Variants in UBE4A observed in about 807,000 individuals in gnomAD.
UBE4A encodes the protein ubiquitination factor E4A.
In UBE4A, 48 loss-of-function variants were observed where a neutral mutation model predicts 117.9. The observed-to-expected ratio is 0.41, with a 90% CI of 0.32 to 0.52. UBE4A has a LOEUF of 0.52. Ranked by LOEUF, UBE4A falls within the 20% of genes least tolerant of loss-of-function variation. UBE4A has a pLI of 0.33. For synonymous variants in UBE4A, 407 were observed against 450.0 expected (o/e 0.90, Z 1.21); for missense variants, 1,067 against 1,296.3 (o/e 0.82, Z 2.72).
At chr11:118,394,568 C>T (rs1329797021) in intron 19 of UBE4A, among the ~76,000 whole-genome samples, 2 of 151,800 alleles carry the variant, frequency 1.3e-5, no homozygotes, top group Admixed American at 1.3e-4. Context: ...ATCAGGAGTT[C>T]GAGACCAGCC....
chr11:118,392,393 T>C (rs1948827450), intron 18 of UBE4A, among the ~76,000 whole-genome samples: 2 of 152,226 alleles, frequency 1.3e-5, no homozygotes, highest in Admixed American at 1.3e-4. Context: ...CCATTCTCCC[T>C]TCTCCATCCA....
At chr11:118,388,773 T>A (rs564654436) in intron 16 of UBE4A, among the ~76,000 whole-genome samples, 1 of 152,046 alleles carries the variant, frequency 6.6e-6, no homozygotes, top group Non-Finnish European at 1.5e-5. Flanking sequence ...AAATAACTTA[T>A]GGTGCAGTTA....
rs1016283261 is a variant in UBE4A at position 118,359,657 on chromosome 11, C to G, written c.-59C>G. On this transcript the variant is annotated 5_prime_UTR_variant, in exon 1 of 20. Transcript: ENST00000252108. The stretch of plus-strand genomic sequence containing the variant: ...CTGAGATTCTGTCGTGTCGTCGCTG[C>G]TGGCACTTCAGGCTCTGGTAAGACA... 1 of 152,302 alleles carries G rather than the reference C, an allele frequency of 6.6e-6. No individual in the cohort carries two copies. Among genetic ancestry groups the G allele is most frequent in the Non-Finnish European group, 1.5e-5 (1 of 68,108 alleles). The allele number at this position is 152,302 out of a possible 1,614,324, so 9.4% of individuals were successfully genotyped here.
chr11:118,373,601 T>C lies in UBE4A; in HGVS notation c.1032T>C (p.Gly344=), dbSNP rs1352421155. 1 of 1,614,104 alleles carries C rather than the reference T, an allele frequency of 6.2e-7. No individual in the cohort carries two copies. Among genetic ancestry groups the C allele is most frequent in the African/African-American group, 1.3e-5 (1 of 75,008 alleles). The change falls in exon 8 of 20, where the codon GGT becomes GGC. Residue 344 remains glycine, a synonymous_variant. Transcript: ENST00000252108. The stretch of plus-strand genomic sequence containing the variant: ...TCTCCTGCTTATTAAAGACTCCGGG[T>C]GTTGTAGAAAATCATGGCTACTTTT... ...LSISCLLKTP[G]VVENHGYFLN... is the part of the protein sequence containing the mutation.
Position 118,366,089 on chromosome 11 carries a change from A to G in UBE4A, c.121+888A>G, listed in dbSNP as rs1948560711. Among the ~76,000 whole-genome samples, 3 of 151,376 alleles carry G rather than the reference A, an allele frequency of 2.0e-5. No homozygotes were observed. The South Asian group carries it at 6.3e-4, about 32-fold the overall frequency. ...AAAAAAAAAAAACACTCAGGTGCAT[A>G]GCTGACTTTTGGCCTTTCAGTTAGA... is the stretch of plus-strand genomic sequence containing the variant. On this transcript the variant is annotated intron_variant, in intron 2 of 19. Transcript: ENST00000252108.
chr11:118,367,313 A>G (rs913496415), intron 2 of UBE4A, among the ~76,000 whole-genome samples: 8 of 152,164 alleles, frequency 5.3e-5, no homozygotes, highest in Admixed American at 3.3e-4. Context: ...AAAAAGGTAC[A>G]AAAGATGTGA....
chr11:118,365,131 T>C lies in UBE4A; in HGVS notation c.51T>C (p.Ala17=). 2 of 1,614,038 alleles carry C rather than the reference T, an allele frequency of 1.2e-6. No individual in the cohort carries two copies. The highest frequency in any genetic ancestry group is 1.7e-6 in the Non-Finnish European group (2 of 1,179,978). ...ACATCTCAAGTAACCCCTTTGCTGCTCTTTTTGGCTCCCTGGCTGATGCCA... is the reference window on the plus strand; with the variant it reads ...ACATCTCAAGTAACCCCTTTGCTGCCCTTTTTGGCTCCCTGGCTGATGCCA... ...NNNISSNPFA[A]LFGSLADAKQ... The change falls in exon 2 of 20, where the codon GCT becomes GCC. Residue 17 remains alanine, a synonymous_variant. Coordinates refer to ENST00000252108, the MANE Select transcript of UBE4A (RefSeq NM_001204077.2).
Position 118,384,953 on chromosome 11 carries a change from A to G in UBE4A, c.2412+8A>G. On this transcript the variant is annotated splice_region_variant and intron_variant, in intron 15 of 19. Coordinates refer to ENST00000252108, the MANE Select transcript of UBE4A (RefSeq NM_001204077.2). ...TTGGATGAAGCCATACAGGTAAAAA[A>G]AAAAAAAAAAAAAAAGATTTAACTT... 6.8e-7 allele frequency: 1 copy of G among 1,480,368 alleles called. No homozygotes were observed. The allele number at this position is 1,480,368 out of a possible 1,614,324, so 91.7% of individuals were successfully genotyped here.
chr11:118,363,318 G>T (rs910289654), intron 1 of UBE4A, among the ~76,000 whole-genome samples: 6 of 152,134 alleles, frequency 3.9e-5, no homozygotes, highest in African/African-American at 1.4e-4. Flanking sequence ...GCGGTGGGAG[G>T]ATCACTTGAG....
chr11:118,383,704 G>A (rs1948728514), intron 13 of UBE4A, among the ~76,000 whole-genome samples: 1 of 151,006 alleles, frequency 6.6e-6, no homozygotes, highest in Non-Finnish European at 1.5e-5. Flanking sequence ...GATATGTTAA[G>A]AAGTTGTTGA....
intron 2 of UBE4A, among the ~76,000 whole-genome samples, chr11:118,367,906 AT>A (rs1356962187): frequency 6.6e-6 from 1 of 152,196 alleles, no homozygotes; most frequent in Non-Finnish European, 1.5e-5. Flanking sequence ...GTTAAGTTGT[AT>A]TGTATTCAGT....
chr11:118,390,690 G>T lies in UBE4A; in HGVS notation c.2802G>T (p.Lys934Asn), dbSNP rs1555128237. The change falls in exon 18 of 20, where the codon AAG (lysine) becomes AAT (asparagine). Residue 934 changes from lysine (K) to asparagine (N), a missense_variant. Around this residue, in one of 3 missense-constraint regions of UBE4A, gnomAD observed 1,001 missense variants for 1,184.0 expected, o/e 0.85. Coordinates refer to ENST00000252108, the MANE Select transcript of UBE4A (RefSeq NM_001204077.2). ...DEENFCATVP[K>N]DGRSYSPTLF... ...AGAATTTCTGTGCCACTGTGCCCAA[G>T]GATGGACGTTCCTATTCCCCAACTC... 1 of 1,560,352 alleles carries T rather than the reference G, an allele frequency of 6.4e-7. No individual in the cohort carries two copies. Among genetic ancestry groups the T allele is most frequent in the African/African-American group, 1.4e-5 (1 of 71,300 alleles).
intron 3 of UBE4A, 77 bp from the exon 4 acceptor site, chr11:118,369,346 G>T: frequency 1.9e-6 from 2 of 1,027,322 alleles, no homozygotes; most frequent in Admixed American, 3.9e-5. Flanking sequence ...CAGTTCAAGA[G>T]TGATGCTGTC....
Position 118,373,126 on chromosome 11 carries a change from A to G in UBE4A, c.762A>G (p.Glu254=). ...DVTEFLEEVI[E]ALILDEEVRT... is the part of the protein sequence containing the mutation. ...CTGAGTTTCTGGAAGAGGTCATTGA[A>G]GCCTTGATATTGGATGAGGAAGTTA... is the stretch of plus-strand genomic sequence containing the variant. Residue 254 remains glutamate, a synonymous_variant, in exon 7 of 20, where the codon GAA becomes GAG. Coordinates refer to ENST00000252108, the MANE Select transcript of UBE4A (RefSeq NM_001204077.2). 1 of 1,614,132 alleles carries G rather than the reference A, an allele frequency of 6.2e-7. No homozygotes were observed. The highest frequency in any genetic ancestry group is 8.5e-7 in the Non-Finnish European group (1 of 1,180,022).
rs1948872887 is a variant in UBE4A at position 118,396,384 on chromosome 11, G to GA, written c.3151dup (p.Ile1051AsnfsTer16). ...GATCCGGCCAAACACAGAACTAAAA[G>GA]AAAAAATCCAACGGTGGCTTGCAGA... On this transcript the variant is annotated frameshift_variant, in exon 20 of 20. Coordinates refer to ENST00000252108, the MANE Select transcript of UBE4A (RefSeq NM_001204077.2). LOFTEE classifies it high-confidence loss of function. The GA allele has an allele frequency of 1.2e-6, 2 of 1,613,734 alleles. No individual in the cohort carries two copies. Among genetic ancestry groups the GA allele is most frequent in the South Asian group, 1.1e-5 (1 of 91,060 alleles).
chr11:118,367,268 A>G (rs916034011), intron 2 of UBE4A, among the ~76,000 whole-genome samples: 1 of 152,064 alleles, frequency 6.6e-6, no homozygotes, highest in African/African-American at 2.4e-5. Flanking sequence ...AATCGAAGGA[A>G]TTTCATCAAT....
Position 118,386,570 on chromosome 11 carries a change from A to C in UBE4A, c.2545A>C (p.Met849Leu). The change falls in exon 16 of 20, where the codon ATG (methionine) becomes CTG (leucine). Residue 849 changes from methionine (M) to leucine (L), a missense_variant. Met to Leu is a conservative substitution (Grantham distance 15, BLOSUM62 2). Transcript: ENST00000252108. ...ACAGCTGGCACGTTTCCATAACATC[A>C]TGTCCAATGAAACAATCGGTACCCT... ...FGQLARFHNI[M>L]SNETIGTLAF... 6.3e-7 allele frequency: 1 copy of C among 1,595,760 alleles called. No homozygotes were observed. The highest frequency in any genetic ancestry group is 8.5e-7 in the Non-Finnish European group (1 of 1,173,796).
intron 2 of UBE4A, among the ~76,000 whole-genome samples, chr11:118,366,029 A>G (rs1465003483): frequency 6.6e-6 from 1 of 151,474 alleles, no homozygotes; most frequent in African/African-American, 2.4e-5. Context: ...GAGAAGGAGA[A>G]GTGTTTGCAT....
intron 13 of UBE4A, among the ~76,000 whole-genome samples, chr11:118,383,491 G>A (rs1231061766): frequency 6.6e-6 from 1 of 150,516 alleles, no homozygotes; most frequent in African/African-American, 2.4e-5. Flanking sequence ...TACTTAGGAG[G>A]CAGAGGCACG....
Sources: allele counts gnomAD v4.1 joint callset (sites outside exome capture counted in the v4.1 genomes callset), GRCh38; gene constraint gnomAD v4.1.1; regional missense constraint gnomAD v4.1.1; transcripts MANE v1.5; gene names NCBI Gene and HGNC (gene_info 2026-07-23, HGNC 2026-07-21).